MND1: variants seen among roughly 807,000 people sequenced by gnomAD.
The protein encoded by MND1 is meiotic nuclear divisions 1, also known as meiotic nuclear division protein 1 homolog.
Under a neutral mutation model 35.1 loss-of-function variants are expected in MND1, and 28 were observed. The observed-to-expected ratio is 0.80, with a 90% CI of 0.59 to 1.09. MND1 has a LOEUF of 1.09. Ranked by LOEUF, MND1 falls within the 50% of genes least tolerant of loss-of-function variation. The probability of loss-of-function intolerance (pLI) is 0.00; values close to 1 mark genes in which losing one functional copy is unlikely to be tolerated. For synonymous variants in MND1, 69 were observed against 70.5 expected (o/e 0.98, Z 0.11); for missense variants, 213 against 239.6 (o/e 0.89, Z 0.73).
Position 153,404,267 on chromosome 4 carries a change from C to T in MND1, c.467-4704C>T, listed in dbSNP as rs554145229. ...CGTGATCTCAGCTCACTGCAACCTCCGCCTCCTGGGTTCAAGCAATTCTTC... is the reference window on the plus strand; with the variant it reads ...CGTGATCTCAGCTCACTGCAACCTCTGCCTCCTGGGTTCAAGCAATTCTTC... On this transcript the variant is annotated intron_variant, in intron 6 of 7. Transcript: ENST00000240488. 3.0e-3 allele frequency among the ~76,000 whole-genome samples: 445 copies of T among 148,686 alleles called. 3 individuals carry two copies. Among genetic ancestry groups the T allele is most frequent in the Non-Finnish European group, 5.0e-3 (335 of 67,428 alleles).
intron 4 of MND1, among the ~76,000 whole-genome samples, chr4:153,377,856 A>C (rs564112663): frequency 6.6e-6 from 1 of 152,218 alleles, no homozygotes; most frequent in Middle Eastern, 3.4e-3. Context: ...TAATGGACCA[A>C]TTATAGTTGT....
At chr4:153,361,087 C>T (rs993356185) in intron 4 of MND1, among the ~76,000 whole-genome samples, 3 of 152,198 alleles carry the variant, frequency 2.0e-5, no homozygotes, top group Admixed American at 2.0e-4. Context: ...GATCCACCTA[C>T]CTCAGCTTCC....
At chr4:153,351,918 C>G (rs940279389) in intron 2 of MND1, among the ~76,000 whole-genome samples, 23 of 152,140 alleles carry the variant, frequency 1.5e-4, no homozygotes, top group African/African-American at 5.3e-4. Flanking sequence ...GTTTTACACT[C>G]TTTTCTTTGT....
chr4:153,375,327 A>T (rs115759549), intron 4 of MND1, among the ~76,000 whole-genome samples: 2,095 of 152,246 alleles, frequency 0.014, 46 homozygotes, highest in African/African-American at 0.048. Context: ...ACTTGCATGA[A>T]GTACGTATTG....
chr4:153,359,049 A>C (rs559644852), intron 4 of MND1, among the ~76,000 whole-genome samples: 82 of 152,314 alleles, frequency 5.4e-4, no homozygotes, highest in African/African-American at 1.9e-3. Context: ...ATTTATTACT[A>C]ACTAAATTCC....
rs773918367 is a variant in MND1 at position 153,350,049 on chromosome 4, AT to A, written c.4-8del. ...GTTTAAAAGCATTGTTTACTTGTTAATTTTTTTGCTTTAGTCAAAGAAAAAA... is the reference window on the plus strand; with the variant it reads ...GTTTAAAAGCATTGTTTACTTGTTAATTTTTTGCTTTAGTCAAAGAAAAAA... On this transcript the variant is annotated splice_polypyrimidine_tract_variant and intron_variant, in intron 1 of 7. Transcript: ENST00000240488. The A allele has an allele frequency of 6.4e-6, 10 of 1,561,812 alleles. No individual in the cohort carries two copies. Among genetic ancestry groups the A allele is most frequent in the Admixed American group, 3.9e-5 (2 of 51,312 alleles).
chr4:153,403,095 C>T (rs933993029), intron 6 of MND1, among the ~76,000 whole-genome samples: 1 of 152,166 alleles, frequency 6.6e-6, no homozygotes, highest in Non-Finnish European at 1.5e-5. Flanking sequence ...ATGATCGTGC[C>T]ACTCTGCTCC....
chr4:153,385,157 T>C (rs1728818063), intron 4 of MND1, among the ~76,000 whole-genome samples: 1 of 152,230 alleles, frequency 6.6e-6, no homozygotes, highest in African/African-American at 2.4e-5. Context: ...ATGAAGAGCT[T>C]TCCTGGCATG....
intron 6 of MND1, among the ~76,000 whole-genome samples, chr4:153,403,022 G>C (rs927063157): frequency 2.6e-5 from 4 of 152,052 alleles, no homozygotes; most frequent in Non-Finnish European, 4.4e-5. Context: ...TGTAGTACTA[G>C]CTACTCAGGA....
chr4:153,387,794 G>A (rs981921083), intron 4 of MND1, among the ~76,000 whole-genome samples: 22 of 151,428 alleles, frequency 1.5e-4, no homozygotes, highest in African/African-American at 4.4e-4. Flanking sequence ...TAAATAAATT[G>A]TATGGCTTTT....
chr4:153,405,806 T>C (rs972354939), intron 6 of MND1, among the ~76,000 whole-genome samples: 1 of 151,888 alleles, frequency 6.6e-6, no homozygotes, highest in East Asian at 1.9e-4. Context: ...GAAAACAGAT[T>C]TATATTTCTT....
At chr4:153,413,405 C>T (rs1456466302) in intron 7 of MND1, among the ~76,000 whole-genome samples, 3 of 152,102 alleles carry the variant, frequency 2.0e-5, no homozygotes, top group Non-Finnish European at 4.4e-5. Flanking sequence ...AAAGGCTGGA[C>T]ACGGTGGCTC....
chr4:153,409,680 T>C (rs1729627269), intron 7 of MND1, among the ~76,000 whole-genome samples: 2 of 152,144 alleles, frequency 1.3e-5, no homozygotes, highest in African/African-American at 4.8e-5. Context: ...GGCCTCTGTT[T>C]CACACAAAAA....
chr4:153,382,806 TA>T (rs1052804301), intron 4 of MND1, among the ~76,000 whole-genome samples: 9 of 152,220 alleles, frequency 5.9e-5, no homozygotes, highest in African/African-American at 1.9e-4. Flanking sequence ...AAATAGTAAT[TA>T]AACAATATTT....
intron 1 of MND1, among the ~76,000 whole-genome samples, chr4:153,348,247 A>G (rs73854666): frequency 0.017 from 2,605 of 152,274 alleles, 67 homozygotes; most frequent in African/African-American, 0.057. Flanking sequence ...GATGACTGTC[A>G]GGCCTCTGGC....
rs1307751075 is a variant in MND1 at position 153,388,853 on chromosome 4, G to A, written c.277-5409G>A. On this transcript the variant is annotated intron_variant, in intron 4 of 7. Transcript: ENST00000240488. ...AACAAGAATATACTGACAGTTGAAG[G>A]GTAAGGATGGACAGAGAAGAATTTC... Among the ~76,000 whole-genome samples the A allele has an allele frequency of 3.9e-5, 6 of 152,118 alleles. No individual in the cohort carries two copies. In the East Asian group the frequency reaches 1.2e-3, roughly 29 times the overall value.
chr4:153,357,701 G>T (rs1380057224), intron 3 of MND1, among the ~76,000 whole-genome samples: 1 of 152,122 alleles, frequency 6.6e-6, no homozygotes, highest in Non-Finnish European at 1.5e-5. Context: ...CAGACAAATT[G>T]TAGGTAATGG....
At chr4:153,391,468 G>A (rs1251864800) in intron 4 of MND1, among the ~76,000 whole-genome samples, 1 of 152,134 alleles carries the variant, frequency 6.6e-6, no homozygotes, top group Non-Finnish European at 1.5e-5. Context: ...GCTTACGCCT[G>A]TGATCCCAGC....
intron 4 of MND1, among the ~76,000 whole-genome samples, chr4:153,370,688 T>C (rs1773768604): frequency 6.6e-6 from 1 of 152,092 alleles, no homozygotes; most frequent in South Asian, 2.1e-4. Flanking sequence ...CCTGGCTAAC[T>C]TTTGTATTTT....
Sources: allele counts gnomAD v4.1 joint callset (sites outside exome capture counted in the v4.1 genomes callset), GRCh38; gene constraint gnomAD v4.1.1; transcripts MANE v1.5; gene names NCBI Gene and HGNC (gene_info 2026-07-23, HGNC 2026-07-21).